Variants in KCNH7 observed in about 807,000 individuals in gnomAD.
KCNH7 encodes potassium voltage-gated channel subfamily H member 7.
In KCNH7, 49 loss-of-function variants were observed where a neutral mutation model predicts 120.8. That is an observed-to-expected ratio of 0.41 (90% CI 0.32 to 0.51). KCNH7 has a LOEUF of 0.51. Ranked by LOEUF, KCNH7 falls within the 20% of genes least tolerant of loss-of-function variation. The pLI is 0.38. For synonymous variants in KCNH7, 547 were observed against 516.1 expected, an observed-to-expected ratio of 1.06 and a Z score of -0.81; for missense variants, 1,097 against 1,446.6, an observed-to-expected ratio of 0.76 and a Z score of 3.92.
intron 2 of KCNH7, among the ~76,000 whole-genome samples, chr2:162,666,479 C>T (rs1324283882): frequency 1.3e-5 from 2 of 151,712 alleles, no homozygotes; most frequent in South Asian, 2.1e-4. Flanking sequence ...TTCTTCACTT[C>T]CATACTCTTA....
In KCNH7 at chr2:162,597,875, AT is replaced by A. The variant is rs1188341768; in HGVS notation, c.308-60796del. ...TTTAAAACAACATTTTGAAAACTTAATTTTTTTCTACAAATTGAAACATGGA... is the reference window on the plus strand; with the variant it reads ...TTTAAAACAACATTTTGAAAACTTAATTTTTTCTACAAATTGAAACATGGA... On this transcript the variant is annotated intron_variant, in intron 2 of 15. Coordinates refer to ENST00000332142, the MANE Select transcript of KCNH7 (RefSeq NM_033272.4). Among the ~76,000 whole-genome samples the A allele has an allele frequency of 2.0e-5, 3 of 152,036 alleles. No homozygotes were observed. In the East Asian group the frequency reaches 5.8e-4, roughly 29 times the overall value.
intron 2 of KCNH7, among the ~76,000 whole-genome samples, chr2:162,787,345 G>T (rs1259178420): frequency 2.0e-5 from 3 of 152,076 alleles, no homozygotes; most frequent in East Asian, 1.9e-4. Flanking sequence ...CTGGCACCAT[G>T]AACCCAGGCT....
rs1686925942 is a variant in KCNH7 at position 162,396,857 on chromosome 2, G to A, written c.2496C>T (p.Asp832=). The stretch of plus-strand genomic sequence containing the variant: ...AGTCTTCTCGCTGAATCTTATGCAA[G>A]TCACAGTATGTGAGGGCTCTTACAT... ...NADVRALTYC[D]LHKIQREDLL... Residue 832 remains aspartate, a synonymous_variant, in exon 11 of 16, where the codon GAC becomes GAT. Transcript: ENST00000332142. 1 of 1,611,596 alleles carries A rather than the reference G, an allele frequency of 6.2e-7. No homozygotes were observed. The highest frequency in any genetic ancestry group is 1.3e-5 in the African/African-American group (1 of 74,750).
chr2:162,681,350 T>G (rs1412191537), intron 2 of KCNH7, among the ~76,000 whole-genome samples: 1 of 151,558 alleles, frequency 6.6e-6, no homozygotes, highest in Non-Finnish European at 1.5e-5. Flanking sequence ...ATGAGAGTGG[T>G]GATTGAATTG....
At position 162,414,674 on chromosome 2, in the gene KCNH7, T is replaced by C. The variant is rs188047127; in HGVS notation, c.2154+8662A>G. Among the ~76,000 whole-genome samples, 400 of 152,160 alleles carry C rather than the reference T, an allele frequency of 2.6e-3. 2 individuals are homozygous for C. Among genetic ancestry groups the C allele is most frequent in the African/African-American group, 9.1e-3 (379 of 41,576 alleles). ...ATATAAGTATAATTATATTAGCATA[T>C]TAAAAGTTATGGAAGTTTACACACA... On this transcript the variant is annotated intron_variant, in intron 9 of 15. Transcript: ENST00000332142.
chr2:162,648,871 G>A (rs1684471865), intron 2 of KCNH7, among the ~76,000 whole-genome samples: 1 of 151,930 alleles, frequency 6.6e-6, no homozygotes, highest in African/African-American at 2.4e-5. Flanking sequence ...ACGTGAGGTG[G>A]GGGAAGATAC....
chr2:162,786,593 AG>A (rs1683714904), intron 2 of KCNH7, among the ~76,000 whole-genome samples: 1 of 152,214 alleles, frequency 6.6e-6, no homozygotes. Context: ...TGTTTCAAAA[AG>A]TTTCAATGTA....
intron 14 of KCNH7, among the ~76,000 whole-genome samples, chr2:162,374,360 TA>T (rs1236400728): frequency 2.0e-5 from 3 of 152,204 alleles, no homozygotes; most frequent in African/African-American, 7.2e-5. Flanking sequence ...ACTGGCCTGT[TA>T]ATTTCATTCT....
chr2:162,441,505 G>A (rs942669379), intron 7 of KCNH7, among the ~76,000 whole-genome samples: 6 of 151,926 alleles, frequency 3.9e-5, no homozygotes, highest in African/African-American at 9.7e-5. Flanking sequence ...AAAAAATAAC[G>A]GTAAAGTGTG....
At chr2:162,825,353 C>T (rs1559151413) in intron 2 of KCNH7, among the ~76,000 whole-genome samples, 2 of 151,456 alleles carry the variant, frequency 1.3e-5, no homozygotes, top group Non-Finnish European at 2.9e-5. Context: ...ATTTGAATTA[C>T]AAAATTCAAC....
chr2:162,439,603 A>C (rs955442985), intron 7 of KCNH7, among the ~76,000 whole-genome samples: 1 of 152,124 alleles, frequency 6.6e-6, no homozygotes, highest in South Asian at 2.1e-4. Context: ...TGAGATTTTT[A>C]TTTTTAATGT....
At chr2:162,576,903 CTTCT>C (rs776024874) in intron 2 of KCNH7, among the ~76,000 whole-genome samples, 14 of 150,332 alleles carry the variant, frequency 9.3e-5, no homozygotes, top group Admixed American at 6.0e-4. Flanking sequence ...TATTCTTTTT[CTTCT>C]TTATTTATTT....
At chr2:162,748,919 C>CCTT (rs1688431175) in intron 2 of KCNH7, among the ~76,000 whole-genome samples, 2 of 43,608 alleles carry the variant, frequency 4.6e-5, no homozygotes, top group African/African-American at 2.7e-4. Flanking sequence ...TCCTTCCCTT[C>CCTT]CCTTTCCTTT....
At chr2:162,658,902 A>G (rs999092990) in intron 2 of KCNH7, among the ~76,000 whole-genome samples, 6 of 152,182 alleles carry the variant, frequency 3.9e-5, no homozygotes, top group Admixed American at 3.3e-4. Flanking sequence ...TACACAGACA[A>G]TAATGCCATC....
intron 8 of KCNH7, among the ~76,000 whole-genome samples, chr2:162,432,749 C>A (rs187477420): frequency 6.6e-6 from 1 of 152,098 alleles, no homozygotes; most frequent in Admixed American, 6.6e-5. Context: ...TAAGCAGGAG[C>A]AACACAAGGA....
chr2:162,494,404 G>A (rs1009692155), intron 6 of KCNH7, among the ~76,000 whole-genome samples: 4 of 152,096 alleles, frequency 2.6e-5, no homozygotes, highest in African/African-American at 9.7e-5. Flanking sequence ...TTAGATGCTA[G>A]AGAGGGCCCC....
At chr2:162,593,434 G>A (rs927324111) in intron 2 of KCNH7, among the ~76,000 whole-genome samples, 2 of 151,982 alleles carry the variant, frequency 1.3e-5, no homozygotes, top group Admixed American at 6.6e-5. Context: ...GTCAATCTTA[G>A]TCTAGTCCTT....
At chr2:162,766,824 CTG>C (rs77396887) in intron 2 of KCNH7, among the ~76,000 whole-genome samples, 40,723 of 151,032 alleles carry the variant, frequency 0.27, 6,191 homozygotes, top group African/African-American at 0.42. Flanking sequence ...TCTAGTGAAT[CTG>C]TGCTCTGTGT....
intron 2 of KCNH7, among the ~76,000 whole-genome samples, chr2:162,648,273 T>TG (rs1350587465): frequency 6.6e-6 from 1 of 151,912 alleles, no homozygotes. Flanking sequence ...CTTCACATGG[T>TG]GGGAGGAAAG....
Sources: gnomAD v4.1 joint callset for allele counts (sites outside exome capture counted in the v4.1 genomes callset) on GRCh38, gnomAD v4.1.1 for gene constraint, MANE v1.5 for transcripts, NCBI Gene and HGNC (gene_info 2026-07-23, HGNC 2026-07-21) for gene names.